The following RFC4 variants were observed in gnomAD, a reference collection of about 807,000 sequenced individuals.
RFC4 encodes the protein A1 37 kDa subunit.
In RFC4, 38 loss-of-function variants were observed where a neutral mutation model predicts 47.6. That is an observed-to-expected ratio of 0.80 (90% CI 0.62 to 1.05). The LOEUF is 1.05. Among genes scored for constraint, RFC4 ranks in the 50% least tolerant of loss-of-function variants. The pLI, the probability that RFC4 is intolerant of heterozygous loss-of-function variation, is 0.00. For missense variants in RFC4, 489 were observed against 434.0 expected, an observed-to-expected ratio of 1.13 and a Z score of -1.13; for synonymous variants, 164 against 150.0, an observed-to-expected ratio of 1.09 and a Z score of -0.68.
In RFC4 at chr3:186,790,211, T is replaced by G; in HGVS notation, c.927A>C (p.Gln309His). 2 of 1,614,052 alleles carry G rather than the reference T, an allele frequency of 1.2e-6. No homozygotes were observed. Among genetic ancestry groups the G allele is most frequent in the South Asian group, 1.1e-5 (1 of 91,066 alleles). ...EGHAATQLVN[Q>H]LHDVVVENNL... ...TATTTTCTACAACCACATCATGGAG[T>G]TGATTGACGAGCTGAGTTGCTGCAT... Residue 309 changes from glutamine (Q) to histidine (H), a missense_variant, in exon 10 of 11, where the codon CAA becomes CAC. By Grantham distance (24) the Gln-to-His change is conservative. Around this residue, in one of 2 missense-constraint regions of RFC4, gnomAD observed 283 missense variants for 176.2 expected, o/e 1.61. Coordinates refer to ENST00000296273, the MANE Select transcript of RFC4 (RefSeq NM_002916.5).
At chr3:186,798,491 C>T (rs1163018350) in intron 3 of RFC4, among the ~76,000 whole-genome samples, 2 of 152,008 alleles carry the variant, frequency 1.3e-5, no homozygotes, top group African/African-American at 4.8e-5. Context: ...TCACCTAAAT[C>T]AGATACCACT....
At chr3:186,804,866 T>C (rs1722443554) in intron 1 of RFC4, 142 bp from the exon 2 acceptor site, 3 of 729,340 alleles carry the variant, frequency 4.1e-6, no homozygotes, top group Non-Finnish European at 6.7e-6. Flanking sequence ...TGCAAAGATG[T>C]TACATAATAA....
chr3:186,799,183 A>G (rs1722302639), intron 3 of RFC4, among the ~76,000 whole-genome samples: 2 of 152,228 alleles, frequency 1.3e-5, no homozygotes, highest in South Asian at 2.1e-4. Context: ...AAATTATTAA[A>G]CCTTAATTAT....
intron 8 of RFC4, chr3:186,791,362 G>C (rs568695165): frequency 3.8e-6 from 1 of 264,342 alleles, no homozygotes; most frequent in Admixed American, 4.6e-5. Flanking sequence ...GGTGGCAGGT[G>C]CCTGTAATCC....
At chr3:186,797,858 T>C (rs1383101861) in intron 3 of RFC4, among the ~76,000 whole-genome samples, 1 of 152,228 alleles carries the variant, frequency 6.6e-6, no homozygotes, top group Non-Finnish European at 1.5e-5. Context: ...AACCAATATT[T>C]ATGCTTGCTC....
At position 186,791,798 on chromosome 3, in the gene RFC4, G is replaced by A. The variant is rs746262888; in HGVS notation, c.728C>T (p.Thr243Ile). Residue 243 changes from threonine (T) to isoleucine (I), a missense_variant, in exon 8 of 11, where the codon ACA becomes ATA. By Grantham distance (89) the Thr-to-Ile change is moderately conservative. This residue lies in a region of RFC4 where 283 missense variants were observed against 176.2 expected (regional missense o/e 1.61). Coordinates refer to ENST00000296273, the MANE Select transcript of RFC4 (RefSeq NM_002916.5). ...TAATCGAGTAGCGCTTTGAAGAAAT[G>A]TAATGGCTTTTCTTAAGTCTCCTTC... is the stretch of plus-strand genomic sequence containing the variant. Reference protein sequence around the residue: ...VSEGDLRKAITFLQSATRLTG... With the variant: ...VSEGDLRKAIIFLQSATRLTG... 2.5e-6 allele frequency: 4 copies of A among 1,610,562 alleles called. No individual in the cohort carries two copies. The highest frequency in any genetic ancestry group is 1.6e-4 in the Middle Eastern group (1 of 6,078).
At position 186,797,554 on chromosome 3, in the gene RFC4, C is replaced by A. The variant is rs113938310; in HGVS notation, c.271G>T (p.Ala91Ser). Residue 91 changes from alanine to serine, a missense_variant, in exon 4 of 11, where the codon GCA (alanine) becomes TCA (serine). Physicochemically the swap from Ala to Ser is moderately conservative, Grantham distance 99 (BLOSUM62 1). Around this residue, in one of 2 missense-constraint regions of RFC4, gnomAD observed 206 missense variants for 257.8 expected, o/e 0.80. Coordinates refer to ENST00000296273, the MANE Select transcript of RFC4 (RefSeq NM_002916.5). Reference sequence around the variant, plus strand: ...ACGTACCCAAAGAGTTCTCTAGCTGCTGCCAAAATAGTGGATGTTTTTCCA... The same window carrying A: ...ACGTACCCAAAGAGTTCTCTAGCTGATGCCAAAATAGTGGATGTTTTTCCA... ...GTGKTSTILA[A>S]ARELFGPELF... 9.3e-6 allele frequency: 15 copies of A among 1,610,498 alleles called. No homozygotes were observed. The African/African-American group carries it at 1.1e-4, about 11-fold the overall frequency.
chr3:186,798,830 T>C (rs1026794791), intron 3 of RFC4, among the ~76,000 whole-genome samples: 6 of 152,212 alleles, frequency 3.9e-5, no homozygotes, highest in African/African-American at 1.2e-4. Flanking sequence ...TATTTCACTG[T>C]GGGGCTTAAT....
chr3:186,801,826 C>T (rs950624766), intron 2 of RFC4, among the ~76,000 whole-genome samples: 3 of 150,996 alleles, frequency 2.0e-5, no homozygotes, highest in Non-Finnish European at 4.4e-5. Context: ...GAGTTCAAGA[C>T]CAGCCTGACC....
At chr3:186,802,071 CATT>C (rs1445899730) in intron 2 of RFC4, among the ~76,000 whole-genome samples, 3 of 147,060 alleles carry the variant, frequency 2.0e-5, no homozygotes, top group African/African-American at 7.5e-5. Flanking sequence ...GCTTAGAAAG[CATT>C]ATTATTGGCC....
intron 6 of RFC4, 61 bp downstream of exon 6, chr3:186,792,743 T>G: frequency 1.3e-6 from 2 of 1,557,970 alleles, no homozygotes; most frequent in Non-Finnish European, 1.7e-6. Flanking sequence ...AAATTTCCTT[T>G]CCCTAATTGG....
Position 186,804,626 on chromosome 3 carries a change from C to G in RFC4, c.88G>C (p.Gly30Arg). 1.2e-6 allele frequency: 2 copies of G among 1,614,006 alleles called. No individual in the cohort carries two copies. The highest frequency in any genetic ancestry group is 8.5e-7 in the Non-Finnish European group (1 of 1,180,002). ...ACGGGTTTGGCTTTCTTGTTCTCTC[C>G]GCTACTTCCCGCACTGGCAGCTACT... is the stretch of plus-strand genomic sequence containing the variant. The part of the protein sequence containing the change: ...RGVAASAGSS[G>R]ENKKAKPVPW... The change falls in exon 2 of 11, where the codon GGA (glycine) becomes CGA (arginine). Residue 30 changes from glycine (G) to arginine (R), a missense_variant. Physicochemically the swap from Gly to Arg is moderately radical, Grantham distance 125 (BLOSUM62 -2). This residue lies in a region of RFC4 where 206 missense variants were observed against 257.8 expected (regional missense o/e 0.80). Coordinates refer to ENST00000296273, the MANE Select transcript of RFC4 (RefSeq NM_002916.5).
Position 186,792,913 on chromosome 3 carries a change from GAATCAC to G in RFC4, c.439_444del (p.Val147_Ile148del). ...GAGGTCATAGAATCTGCTTCATCCA[GAATCAC>G]AATCTTAAAAGGCGGACACGGCTTC... On this transcript the variant is annotated inframe_deletion, in exon 6 of 11. Coordinates refer to ENST00000296273, the MANE Select transcript of RFC4 (RefSeq NM_002916.5). 2 of 1,613,826 alleles carry G rather than the reference GAATCAC, an allele frequency of 1.2e-6. No individual in the cohort carries two copies. Among genetic ancestry groups the G allele is most frequent in the Non-Finnish European group, 1.7e-6 (2 of 1,179,910 alleles).
chr3:186,801,102 C>CCATTTG lies in RFC4; in HGVS notation c.210+9_210+14dup, dbSNP rs765551839. 1.2e-4 allele frequency: 184 copies of CCATTTG among 1,589,402 alleles called. No individual in the cohort carries two copies. The highest frequency in any genetic ancestry group is 1.5e-4 in the Non-Finnish European group (178 of 1,157,620). ...TTAAATATCCCAATGACATTAAACA[C>CCATTTG]CATTTGCAACTCACATCTGCTCCTT... On this transcript the variant is annotated intron_variant, in intron 3 of 10. Coordinates refer to ENST00000296273, the MANE Select transcript of RFC4 (RefSeq NM_002916.5).
At chr3:186,799,879 C>T (rs1045749250) in intron 3 of RFC4, among the ~76,000 whole-genome samples, 2 of 151,556 alleles carry the variant, frequency 1.3e-5, no homozygotes, top group African/African-American at 4.9e-5. Flanking sequence ...CAGAATATAC[C>T]AAAAAATAAA....
intron 7 of RFC4, 143 bp from the exon 8 acceptor site, chr3:186,791,993 T>C (rs1404950982): frequency 5.7e-6 from 4 of 696,062 alleles, no homozygotes; most frequent in Non-Finnish European, 7.0e-6. Context: ...GGAGAAAATA[T>C]GATCAGTCTA....
In RFC4 at chr3:186,794,641, A is replaced by G. The variant is rs1722206677; in HGVS notation, c.410+17T>C. ...AAATAATACATGCTATGGAGGAGGG[A>G]GGGCAAATTTACTTACTCTGAGCGA... On this transcript the variant is annotated intron_variant, in intron 5 of 10. Coordinates refer to ENST00000296273, the MANE Select transcript of RFC4 (RefSeq NM_002916.5). The G allele has an allele frequency of 6.2e-7, 1 of 1,610,986 alleles. No individual in the cohort carries two copies. Among genetic ancestry groups the G allele is most frequent in the Non-Finnish European group, 8.5e-7 (1 of 1,178,716 alleles).
chr3:186,801,485 A>G (rs1722351697), intron 2 of RFC4: 1 of 295,940 alleles, frequency 3.4e-6, no homozygotes, highest in Non-Finnish European at 6.3e-6. Flanking sequence ...ACAAACACTA[A>G]TTAGAAATTA....
At chr3:186,803,334 A>G (rs576868142) in intron 2 of RFC4, among the ~76,000 whole-genome samples, 1 of 152,106 alleles carries the variant, frequency 6.6e-6, no homozygotes, top group Non-Finnish European at 1.5e-5. Context: ...CAAAGTGAGA[A>G]TCTGTCCCAA....
Sources: allele counts gnomAD v4.1 joint callset (sites outside exome capture counted in the v4.1 genomes callset), GRCh38; gene constraint gnomAD v4.1.1; regional missense constraint gnomAD v4.1.1; transcripts MANE v1.5; gene names NCBI Gene and HGNC (gene_info 2026-07-23, HGNC 2026-07-21).